SLIT3: variants seen among roughly 807,000 people sequenced by gnomAD.
SLIT3 encodes slit homolog 3 protein.
A neutral mutation model predicts 184.0 loss-of-function variants in SLIT3; 68 were observed. That is an observed-to-expected ratio of 0.37 (90% CI 0.30 to 0.45). The LOEUF (loss-of-function observed/expected upper bound fraction) is 0.45, where lower values mean the gene tolerates loss of function less well. SLIT3 is among the 20% of genes least tolerant of loss of function. SLIT3 has a pLI of 1.00. For synonymous variants in SLIT3, 831 were observed against 828.6 expected, an observed-to-expected ratio of 1.00 and a Z score of -0.05; for missense variants, 1,707 against 2,026.0, an observed-to-expected ratio of 0.84 and a Z score of 3.02.
At chr5:169,137,301 TACATAC>T (rs146518405) in intron 4 of SLIT3, among the ~76,000 whole-genome samples, 16 of 141,320 alleles carry the variant, frequency 1.1e-4, no homozygotes, top group South Asian at 2.3e-4. Context: ...TCTTTCTATC[TACATAC>T]ACACACACAC....
intron 4 of SLIT3, among the ~76,000 whole-genome samples, chr5:169,167,299 G>T (rs1762670759): frequency 8.0e-6 from 1 of 125,152 alleles, no homozygotes; most frequent in Non-Finnish European, 1.6e-5. Context: ...TTTTGAGATG[G>T]AGTCTCACTC....
chr5:169,228,016 G>T (rs545629228), intron 3 of SLIT3, among the ~76,000 whole-genome samples: 10 of 152,268 alleles, frequency 6.6e-5, no homozygotes, highest in African/African-American at 2.4e-4. Context: ...AAGTGCCCAG[G>T]TTCCCAACGG....
chr5:168,949,022 G>T (rs1762568951), intron 4 of SLIT3, among the ~76,000 whole-genome samples: 2 of 152,186 alleles, frequency 1.3e-5, no homozygotes, highest in Non-Finnish European at 2.9e-5. Context: ...TAAAAACACA[G>T]ATGCCTATGC....
intron 4 of SLIT3, chr5:169,038,072 A>G (rs1232761946): frequency 6.6e-6 from 1 of 152,206 alleles, no homozygotes; most frequent in Non-Finnish European, 1.5e-5. Context: ...CCAACCTCTC[A>G]TGTGCCAATA....
chr5:168,881,907 C>G (rs1351771842), intron 5 of SLIT3, among the ~76,000 whole-genome samples: 1 of 152,232 alleles, frequency 6.6e-6, no homozygotes, highest in Non-Finnish European at 1.5e-5. Flanking sequence ...CTCTCCTGCT[C>G]TTGGGAAAAC....
chr5:168,966,998 A>G (rs1763219339), intron 4 of SLIT3, among the ~76,000 whole-genome samples: 1 of 152,204 alleles, frequency 6.6e-6, no homozygotes, highest in South Asian at 2.1e-4. Flanking sequence ...AAATATATGT[A>G]CAAGGATGTT....
chr5:168,804,162 T>C (rs539168718), intron 9 of SLIT3, among the ~76,000 whole-genome samples: 39 of 151,606 alleles, frequency 2.6e-4, no homozygotes, highest in Admixed American at 1.3e-3. Context: ...CAAAAAAATT[T>C]GCTGGGTGTG....
chr5:169,019,044 C>G (rs773490342), intron 4 of SLIT3, among the ~76,000 whole-genome samples: 2 of 152,182 alleles, frequency 1.3e-5, no homozygotes, highest in Non-Finnish European at 2.9e-5. Flanking sequence ...TGCTGGGCAA[C>G]AGGAAGGAAG....
intron 4 of SLIT3, among the ~76,000 whole-genome samples, chr5:169,099,327 G>T (rs903753107): frequency 2.0e-5 from 3 of 152,180 alleles, no homozygotes; most frequent in Admixed American, 6.5e-5. Context: ...ATCTCTGGGG[G>T]CTGTTCTTAT....
intron 3 of SLIT3, among the ~76,000 whole-genome samples, chr5:169,222,242 A>G (rs1006163985): frequency 6.6e-6 from 1 of 152,188 alleles, no homozygotes; most frequent in East Asian, 1.9e-4. Context: ...AATGTCTGCT[A>G]TATCTTTGTC....
At chr5:168,849,178 A>C (rs1018920467) in intron 5 of SLIT3, among the ~76,000 whole-genome samples, 1 of 152,254 alleles carries the variant, frequency 6.6e-6, no homozygotes, top group Non-Finnish European at 1.5e-5. Context: ...GTCGAATTCC[A>C]AACTAGGTAT....
chr5:169,133,535 A>C (rs577716485), intron 4 of SLIT3, among the ~76,000 whole-genome samples: 5 of 152,350 alleles, frequency 3.3e-5, no homozygotes, highest in African/African-American at 1.2e-4. Flanking sequence ...AAGGATGCTC[A>C]AGGTTGTCAG....
chr5:168,883,276 A>G lies in SLIT3; in HGVS notation c.474T>C (p.Asp158=), dbSNP rs1230925682. Residue 158 remains aspartate (D), a synonymous_variant, in exon 5 of 36, where the codon GAT becomes GAC. Transcript: ENST00000519560. ...IPRKAFRGIT[D]VKNLQLDNNH... is the part of the protein sequence containing the mutation. The stretch of plus-strand genomic sequence containing the variant: ...AAAACATCACTTACAGGTTCTTCAC[A>G]TCGGTGATGCCGCGGAACGCCTTCC... 4 of 1,614,032 alleles carry G rather than the reference A, an allele frequency of 2.5e-6. No homozygotes were observed. The highest frequency in any genetic ancestry group is 1.1e-5 in the South Asian group (1 of 91,078).
chr5:168,904,231 A>C (rs1332404453), intron 4 of SLIT3, among the ~76,000 whole-genome samples: 1 of 152,144 alleles, frequency 6.6e-6, no homozygotes, highest in East Asian at 1.9e-4. Flanking sequence ...CAACTTGGGG[A>C]TCACACATTC....
At chr5:168,693,482 C>G (rs1052623990) in intron 28 of SLIT3, among the ~76,000 whole-genome samples, 1 of 152,224 alleles carries the variant, frequency 6.6e-6, no homozygotes, top group African/African-American at 2.4e-5. Context: ...CTTACACCAC[C>G]TGAAAATGTG....
chr5:168,943,962 AT>A (rs1023723686), intron 4 of SLIT3, among the ~76,000 whole-genome samples: 1 of 152,194 alleles, frequency 6.6e-6, no homozygotes, highest in African/African-American at 2.4e-5. Flanking sequence ...CTAAGCAGTA[AT>A]TCAATAAACA....
chr5:168,784,273 G>T (rs1394792097), intron 12 of SLIT3, among the ~76,000 whole-genome samples: 3 of 152,146 alleles, frequency 2.0e-5, no homozygotes, highest in Non-Finnish European at 4.4e-5. Flanking sequence ...TACAAGCAAA[G>T]AATACCATCT....
At chr5:168,704,071 G>A (rs1762304649) in intron 26 of SLIT3, among the ~76,000 whole-genome samples, 1 of 151,692 alleles carries the variant, frequency 6.6e-6, no homozygotes, top group Admixed American at 6.6e-5. Flanking sequence ...TGGACTAGTG[G>A]CACTGGCATG....
rs376838502 is a variant in SLIT3 at position 169,015,901 on chromosome 5, T to C, written c.414-132565A>G. ...TGCCACTGCACTCCAGCCTGGCTGA[T>C]AGAATGAGATTCTGACTCAGAAAAA... On this transcript the variant is annotated intron_variant, in intron 4 of 35. Coordinates refer to ENST00000519560, the MANE Select transcript of SLIT3 (RefSeq NM_003062.4). Among the ~76,000 whole-genome samples, 445 of 147,898 alleles carry C rather than the reference T, an allele frequency of 3.0e-3. 7 individuals are homozygous for C. The highest frequency in any genetic ancestry group is 0.019 in the South Asian group (87 of 4,690).
Sources: allele counts gnomAD v4.1 joint callset (sites outside exome capture counted in the v4.1 genomes callset), GRCh38; gene constraint gnomAD v4.1.1; transcripts MANE v1.5; gene names NCBI Gene and HGNC (gene_info 2026-07-23, HGNC 2026-07-21).